Variants in ARID1B observed in about 807,000 individuals in gnomAD.
The protein encoded by ARID1B is AT-rich interaction domain 1B, also known as AT-rich interactive domain-containing protein 1B.
Under a neutral mutation model 212.3 loss-of-function variants are expected in ARID1B, and 30 were observed. The observed-to-expected ratio is 0.14, with a 90% CI of 0.11 to 0.19. ARID1B has a LOEUF of 0.19. Among genes scored for constraint, ARID1B ranks in the 10% least tolerant of loss-of-function variants. The pLI is 1.00. For missense variants in ARID1B, 2,891 were observed against 3,204.0 expected, an observed-to-expected ratio of 0.90 and a Z score of 2.36; for synonymous variants, 1,402 against 1,301.7, an observed-to-expected ratio of 1.08 and a Z score of -1.66.
chr6:157,027,057 G>C (rs1185216371), intron 4 of ARID1B, among the ~76,000 whole-genome samples: 1 of 152,156 alleles, frequency 6.6e-6, no homozygotes, highest in East Asian at 1.9e-4. Context: ...TGACATGATT[G>C]GTGGGGAGCC....
chr6:156,893,700 A>C (rs1426124718), intron 2 of ARID1B, among the ~76,000 whole-genome samples: 1 of 152,236 alleles, frequency 6.6e-6, no homozygotes, highest in East Asian at 1.9e-4. Context: ...TGATCATTAG[A>C]GAAATGCAAA....
chr6:156,843,148 A>G (rs1338250916), intron 2 of ARID1B, among the ~76,000 whole-genome samples: 2 of 152,178 alleles, frequency 1.3e-5, no homozygotes, highest in African/African-American at 2.4e-5. Flanking sequence ...TCTGAAGAAC[A>G]GGCCTGTGTC....
rs1256917107 is a variant in ARID1B, at chr6:157,207,748, C to T, written c.6976C>T (p.Leu2326=). The change falls in exon 20 of 20, where the codon CTA becomes TTA. Residue 2326 remains leucine (L), a synonymous_variant. Transcript: ENST00000636930. The surrounding 1 kb of genome is among the most constrained non-coding windows in gnomAD (Gnocchi z 8.5). ...GATGTGCAGGGCGGCCAAGGCTTTGCTAGCCATGGCCAGAGTGGACGAAAA... is the reference window on the plus strand; with the variant it reads ...GATGTGCAGGGCGGCCAAGGCTTTGTTAGCCATGGCCAGAGTGGACGAAAA... ...DMMCRAAKAL[L]AMARVDENRS... 1 of 1,586,048 alleles carries T rather than the reference C, an allele frequency of 6.3e-7. No individual in the cohort carries two copies. Among genetic ancestry groups the T allele is most frequent in the South Asian group, 1.1e-5 (1 of 88,896 alleles).
At chr6:157,004,507 C>G (rs1463381912) in intron 4 of ARID1B, among the ~76,000 whole-genome samples, 1 of 152,148 alleles carries the variant, frequency 6.6e-6, no homozygotes, top group Admixed American at 6.5e-5. Flanking sequence ...TCGAAGAACA[C>G]TGGGGCCATG....
At position 157,201,693 on chromosome 6, in the gene ARID1B, G is replaced by A. The variant is rs1254464986; in HGVS notation, c.5263+205G>A. Among the ~76,000 whole-genome samples the A allele has an allele frequency of 2.6e-5, 4 of 152,184 alleles. No individual in the cohort carries two copies. The highest frequency in any genetic ancestry group is 6.5e-5 in the Admixed American group (1 of 15,278). On this transcript the variant is annotated intron_variant, in intron 18 of 19. Coordinates refer to ENST00000636930, the MANE Select transcript of ARID1B (RefSeq NM_001374828.1). The surrounding 1 kb of genome is among the most constrained non-coding windows in gnomAD (Gnocchi z 5.2). ...ATAGTGCCAGAAAGATTGGCCGGGC[G>A]CGGTGGCTCATGCCTGTAATACCAG...
Position 157,174,080 on chromosome 6 carries a change from A to G in ARID1B, c.3308A>G (p.Lys1103Arg). The G allele has an allele frequency of 6.2e-7, 1 of 1,614,198 alleles. No homozygotes were observed. Among genetic ancestry groups the G allele is most frequent in the Non-Finnish European group, 8.5e-7 (1 of 1,180,030 alleles). ...KLPLPLKADG[K>R]EEGTPQPESK... Reference sequence around the variant, plus strand: ...CCCCTGCCTCTCAAAGCAGACGGCAAAGAAGAAGGCACTCCACAGCCCGAG... The same window carrying G: ...CCCCTGCCTCTCAAAGCAGACGGCAGAGAAGAAGGCACTCCACAGCCCGAG... The change falls in exon 10 of 20, where the codon AAA becomes AGA. Residue 1103 changes from lysine to arginine, a missense_variant. Lys to Arg is a conservative substitution (Grantham distance 26). Coordinates refer to ENST00000636930, the MANE Select transcript of ARID1B (RefSeq NM_001374828.1).
In ARID1B at chr6:157,021,523, C is replaced by T. The variant is rs181863140; in HGVS notation, c.2248-63139C>T. On this transcript the variant is annotated intron_variant, in intron 4 of 19. Coordinates refer to ENST00000636930, the MANE Select transcript of ARID1B (RefSeq NM_001374828.1). ...GGCGGGGGTTCCGGTGCCGCCCTCC[C>T]TACCCCGCACGTAGGCTCGTGGGGG... 5.8e-3 allele frequency among the ~76,000 whole-genome samples: 884 copies of T among 152,330 alleles called. 6 individuals are homozygous for T. The highest frequency in any genetic ancestry group is 0.02 in the African/African-American group (832 of 41,590).
Position 156,966,049 on chromosome 6 carries a change from C to T in ARID1B, c.2247+30473C>T, listed in dbSNP as rs530214052. 5.3e-5 allele frequency among the ~76,000 whole-genome samples: 8 copies of T among 152,284 alleles called. No individual in the cohort carries two copies. In the South Asian group the frequency reaches 1.7e-3, roughly 32 times the overall value. On this transcript the variant is annotated intron_variant, in intron 4 of 19. Transcript: ENST00000636930. ...AGGGACCACAAGTTCTCATAGAGAG[C>T]TAAGATATGTAGGATGTTTTGCCTA...
intron 4 of ARID1B, among the ~76,000 whole-genome samples, chr6:156,970,816 G>T (rs1776872842): frequency 6.6e-6 from 1 of 152,196 alleles, no homozygotes; most frequent in Admixed American, 6.5e-5. Flanking sequence ...GGTTGGAGAG[G>T]GGGCCCATCT....
At chr6:156,908,933 A>C (rs545843254) in intron 3 of ARID1B, among the ~76,000 whole-genome samples, 23 of 152,164 alleles carry the variant, frequency 1.5e-4, no homozygotes, top group Non-Finnish European at 2.1e-4. Context: ...TGACATAATG[A>C]GCACTCCTAT....
At chr6:156,835,291 A>G (rs1742310970) in intron 2 of ARID1B, among the ~76,000 whole-genome samples, 1 of 151,900 alleles carries the variant, frequency 6.6e-6, no homozygotes, top group South Asian at 2.1e-4. Flanking sequence ...AAATTCCTAT[A>G]ATACCTAACT....
chr6:157,039,582 C>T (rs569997703), intron 4 of ARID1B, among the ~76,000 whole-genome samples: 4 of 152,020 alleles, frequency 2.6e-5, no homozygotes, highest in East Asian at 1.9e-4. Flanking sequence ...ATCTGGAAGT[C>T]GGCAAGTATA....
chr6:156,822,517 G>A (rs1340526216), intron 1 of ARID1B, among the ~76,000 whole-genome samples: 2 of 152,272 alleles, frequency 1.3e-5, no homozygotes, highest in African/African-American at 4.8e-5. Context: ...ACATTCTGCA[G>A]TAGTGGTGGC....
At chr6:157,039,697 CTTT>C (rs1342390634) in intron 4 of ARID1B, among the ~76,000 whole-genome samples, 8 of 123,940 alleles carry the variant, frequency 6.5e-5, no homozygotes, top group African/African-American at 9.1e-5. Flanking sequence ...TTCCTTCCTT[CTTT>C]CTTTCCTTTC....
At chr6:157,153,539 C>G (rs1440829133) in intron 8 of ARID1B, among the ~76,000 whole-genome samples, 2 of 152,222 alleles carry the variant, frequency 1.3e-5, no homozygotes, top group Non-Finnish European at 1.5e-5. Context: ...TTCCATCCAT[C>G]TGTAGATCAG....
intron 12 of ARID1B, among the ~76,000 whole-genome samples, chr6:157,182,580 G>A (rs538163099): frequency 3.3e-5 from 5 of 152,278 alleles, no homozygotes; most frequent in East Asian, 1.9e-4. Context: ...TGTCACTGAC[G>A]GCCTACCGTG....
chr6:156,855,008 A>G (rs1001549483), intron 2 of ARID1B, among the ~76,000 whole-genome samples: 2 of 152,178 alleles, frequency 1.3e-5, no homozygotes, highest in Non-Finnish European at 1.5e-5. Flanking sequence ...GTGATAAACT[A>G]TGAGTTCGGG....
chr6:156,941,895 GT>G (rs1792700522), intron 4 of ARID1B: 1 of 152,194 alleles, frequency 6.6e-6, no homozygotes, highest in Non-Finnish European at 1.5e-5. Context: ...TGTGCAAAGT[GT>G]TTCTAAGTTG....
At chr6:156,866,352 A>G (rs936337163) in intron 2 of ARID1B, among the ~76,000 whole-genome samples, 5 of 152,156 alleles carry the variant, frequency 3.3e-5, no homozygotes, top group Admixed American at 2.0e-4. Context: ...CTACCGCCAC[A>G]CTATACTCGG....
Sources: gnomAD v4.1 joint callset for allele counts (sites outside exome capture counted in the v4.1 genomes callset) on GRCh38, gnomAD v4.1.1 for gene constraint, Gnocchi (gnomAD v3.1) non-coding constraint, MANE v1.5 for transcripts, NCBI Gene and HGNC (gene_info 2026-07-23, HGNC 2026-07-21) for gene names.